The following IPO7 variants were observed in gnomAD, a reference collection of about 807,000 sequenced individuals.
The protein encoded by IPO7 is importin 7.
In IPO7, 13 loss-of-function variants were observed where a neutral mutation model predicts 136.4. The observed-to-expected ratio is 0.10, with a 90% CI of 0.06 to 0.15. The LOEUF (loss-of-function observed/expected upper bound fraction) is 0.15, where lower values mean the gene tolerates loss of function less well. IPO7 is among the 10% of genes least tolerant of loss of function. IPO7 has a pLI of 1.00. For synonymous variants in IPO7, 403 were observed against 404.4 expected (o/e 1.00, Z 0.04); for missense variants, 857 against 1,240.6 (o/e 0.69, Z 4.65).
In IPO7 at chr11:9,425,184, T is replaced by C; in HGVS notation, c.1257T>C (p.Leu419=). 6.2e-7 allele frequency: 1 copy of C among 1,611,960 alleles called. No individual in the cohort carries two copies. Among genetic ancestry groups the C allele is most frequent in the Non-Finnish European group, 8.5e-7 (1 of 1,179,318 alleles). ...CTATGGGATTTTGTTACCAGATTCT[T>C]ACAGAACCAAATGCTGACCCTCGAA... ...QKTMGFCYQI[L]TEPNADPRKK... The change falls in exon 12 of 25, where the codon CTT becomes CTC. Residue 419 remains leucine (L), a synonymous_variant. Transcript: ENST00000379719.
At chr11:9,436,420 C>G in intron 20 of IPO7, 54 bp downstream of exon 20, 1 of 1,225,412 alleles carries the variant, frequency 8.2e-7, no homozygotes, top group Non-Finnish European at 1.2e-6. Context: ...TTTCCTTCCA[C>G]TTTCTTTCTT....
In IPO7 at chr11:9,448,083, G is replaced by C. The variant is rs145276820; in HGVS notation, c.*2889G>C. 1 of 152,128 alleles carries C rather than the reference G, an allele frequency of 6.6e-6. No homozygotes were observed. The highest frequency in any genetic ancestry group is 1.5e-5 in the Non-Finnish European group (1 of 68,028). The allele number at this position is 152,128 out of a possible 1,614,324, so 9.4% of individuals were successfully genotyped here. A position where few individuals can be genotyped will look rare whatever the true frequency, so the allele number is the denominator to read the frequency against. Reference sequence around the variant, plus strand: ...CTAACACAATGTCTTAAGTATAATAGGTAGTCTCTGTTTGTAAAATAAATG... The same window carrying C: ...CTAACACAATGTCTTAAGTATAATACGTAGTCTCTGTTTGTAAAATAAATG... On this transcript the variant is annotated 3_prime_UTR_variant, in exon 25 of 25. Coordinates refer to ENST00000379719, the MANE Select transcript of IPO7 (RefSeq NM_006391.3).
intron 16 of IPO7, among the ~76,000 whole-genome samples, chr11:9,432,214 T>G (rs1471014017): frequency 6.6e-6 from 1 of 151,802 alleles, no homozygotes; most frequent in Non-Finnish European, 1.5e-5. Context: ...TTTTTTTTTT[T>G]TTTTTGAGAC....
Position 9,438,045 on chromosome 11 carries a change from G to GTTTTTTTTTTTTTTTTTT in IPO7, c.2490-20_2490-3dup. The GTTTTTTTTTTTTTTTTTT allele has an allele frequency of 1.0e-5, 11 of 1,087,774 alleles. 1 individual carries two copies. Among genetic ancestry groups the GTTTTTTTTTTTTTTTTTT allele is most frequent in the South Asian group, 3.2e-5 (2 of 61,924 alleles). 67.4% of individuals were successfully genotyped at this position (1,087,774 alleles called of 1,614,324 possible). ...TCTGCTTATTTAAGAAAAGAAAACA[G>GTTTTTTTTTTTTTTTTTT]TTTTTTTTTTTTTTTTTTTTTTTTT... On this transcript the variant is annotated intron_variant, in intron 21 of 24. Coordinates refer to ENST00000379719, the MANE Select transcript of IPO7 (RefSeq NM_006391.3).
chr11:9,442,004 A>G (rs1855465443), intron 23 of IPO7, 77 bp from the exon 24 acceptor site: 3 of 662,442 alleles, frequency 4.5e-6, no homozygotes, highest in South Asian at 3.8e-5. Context: ...GGGATGGAGT[A>G]GGAGGAATAG....
intron 12 of IPO7, among the ~76,000 whole-genome samples, chr11:9,426,057 A>T (rs1237443491): frequency 6.6e-6 from 1 of 152,124 alleles, no homozygotes; most frequent in African/African-American, 2.4e-5. Context: ...TCAAAAAAAA[A>T]TAAAAAAATA....
chr11:9,442,659 C>T (rs949858355), intron 24 of IPO7, among the ~76,000 whole-genome samples: 6 of 152,028 alleles, frequency 3.9e-5, no homozygotes, highest in Admixed American at 2.6e-4. Flanking sequence ...ATGACCCGCC[C>T]GCCTCGGCCT....
intron 1 of IPO7, among the ~76,000 whole-genome samples, chr11:9,401,450 T>C (rs927780457): frequency 6.6e-6 from 1 of 151,952 alleles, no homozygotes; most frequent in African/African-American, 2.4e-5. Flanking sequence ...CCCAGCACTT[T>C]AGGAGACTAA....
intron 4 of IPO7, among the ~76,000 whole-genome samples, 177 bp downstream of exon 4, chr11:9,410,263 T>G (rs1018756023): frequency 6.6e-6 from 1 of 152,218 alleles, no homozygotes; most frequent in Non-Finnish European, 1.5e-5. Context: ...GCAGTTGCTT[T>G]TCTTTATTCT....
rs538131133 is a variant in IPO7 at position 9,419,647 on chromosome 11, A to G, written c.727-764A>G. Among the ~76,000 whole-genome samples the G allele has an allele frequency of 2.7e-5, 4 of 148,340 alleles. No homozygotes were observed. In the South Asian group the frequency reaches 8.4e-4, roughly 31 times the overall value. The stretch of plus-strand genomic sequence containing the variant: ...TCCAATTCCTTCTTTCAGTGATTGT[A>G]TAGGAGTCTTTTATGGATCTTCCAT... On this transcript the variant is annotated intron_variant, in intron 6 of 24. Coordinates refer to ENST00000379719, the MANE Select transcript of IPO7 (RefSeq NM_006391.3).
At chr11:9,419,560 ATATAT>A (rs1405413662) in intron 6 of IPO7, among the ~76,000 whole-genome samples, 14 of 81,744 alleles carry the variant, frequency 1.7e-4, no homozygotes, top group East Asian at 8.4e-4. Flanking sequence ...AAAAAAAAAA[ATATAT>A]ATATATATAT....
In IPO7 at chr11:9,410,004, A is replaced by G. The variant is rs1337739123; in HGVS notation, c.397A>G (p.Ile133Val). The change falls in exon 4 of 25, where the codon ATT (isoleucine) becomes GTT (valine). Residue 133 changes from isoleucine (I) to valine (V), a missense_variant. Physicochemically the swap from Ile to Val is conservative, Grantham distance 29. Coordinates refer to ENST00000379719, the MANE Select transcript of IPO7 (RefSeq NM_006391.3). ...CCGCTGGACTGCCATTGTGGACAAAATTGGCTTTTATCTTCAGTCCGATAA... is the reference window on the plus strand; with the variant it reads ...CCGCTGGACTGCCATTGTGGACAAAGTTGGCTTTTATCTTCAGTCCGATAA... ...PSRWTAIVDK[I>V]GFYLQSDNSA... 1.2e-6 allele frequency: 2 copies of G among 1,607,846 alleles called. No homozygotes were observed. Among genetic ancestry groups the G allele is most frequent in the African/African-American group, 2.7e-5 (2 of 74,422 alleles).
chr11:9,402,660 C>A (rs1854817822), intron 1 of IPO7: 1 of 152,234 alleles, frequency 6.6e-6, no homozygotes, highest in South Asian at 2.1e-4. Context: ...GAGTTCGAGA[C>A]CAGCCTGGCC....
At chr11:9,428,788 T>G (rs1302024377) in intron 13 of IPO7, 159 bp downstream of exon 13, 1 of 784,388 alleles carries the variant, frequency 1.3e-6, no homozygotes, top group Non-Finnish European at 2.4e-6. Flanking sequence ...AATGTGTGCA[T>G]AGGTTTCATC....
intron 18 of IPO7, 132 bp from the exon 19 acceptor site, chr11:9,434,802 C>G: frequency 1.5e-6 from 1 of 680,456 alleles, no homozygotes; most frequent in Non-Finnish European, 2.6e-6. Context: ...TGTCCCCCCT[C>G]CCCCCAAAAA....
chr11:9,397,724 C>T (rs1232513557), intron 1 of IPO7, among the ~76,000 whole-genome samples: 2 of 152,028 alleles, frequency 1.3e-5, no homozygotes, highest in South Asian at 2.1e-4. Flanking sequence ...GGCTATACAT[C>T]GTTTACACCT....
chr11:9,426,051 A>C (rs980990553), intron 12 of IPO7, among the ~76,000 whole-genome samples: 1 of 152,092 alleles, frequency 6.6e-6, no homozygotes, highest in Non-Finnish European at 1.5e-5. Context: ...TCCGTCTCAA[A>C]AAAAAATAAA....
intron 1 of IPO7, among the ~76,000 whole-genome samples, chr11:9,387,466 A>G (rs1468932870): frequency 6.6e-6 from 1 of 151,566 alleles, no homozygotes; most frequent in African/African-American, 2.4e-5. Flanking sequence ...TGACCATCAT[A>G]CTCCCTATCT....
chr11:9,385,184 C>G (rs1041649808), intron 1 of IPO7, among the ~76,000 whole-genome samples: 4 of 152,154 alleles, frequency 2.6e-5, no homozygotes, highest in African/African-American at 9.7e-5. Context: ...GCTGGTTCCT[C>G]ACGTCCAGGA....
Sources: gnomAD v4.1 joint callset for allele counts (sites outside exome capture counted in the v4.1 genomes callset) on GRCh38, gnomAD v4.1.1 for gene constraint, MANE v1.5 for transcripts, NCBI Gene and HGNC (gene_info 2026-07-23, HGNC 2026-07-21) for gene names.